The following UBE2D3 variants were observed in gnomAD, a reference collection of about 807,000 sequenced individuals.
UBE2D3 encodes the protein ubiquitin-conjugating enzyme E2 D3.
In UBE2D3, 2 loss-of-function variants were observed where a neutral mutation model predicts 22.8. The ratio of observed to expected loss-of-function variants is 0.09; its 90% CI spans 0.04 to 0.28. The LOEUF is 0.28. Ranked by LOEUF, UBE2D3 falls within the 10% of genes least tolerant of loss-of-function variation. The probability of loss-of-function intolerance (pLI) is 1.00; values close to 1 mark genes in which losing one functional copy is unlikely to be tolerated. For synonymous variants in UBE2D3, 56 were observed against 60.4 expected (o/e 0.93, Z 0.34); for missense variants, 27 against 182.5 (o/e 0.15, Z 4.91).
chr4:102,819,512 G>T, intron 2 of UBE2D3: 1 of 963,652 alleles, frequency 1.0e-6, no homozygotes, highest in Non-Finnish European at 1.2e-6. Flanking sequence ...GCCAGTATCT[G>T]TTCATCAGAT....
At chr4:102,849,778 C>T (rs529588648) in intron 1 of UBE2D3, among the ~76,000 whole-genome samples, 9 of 152,262 alleles carry the variant, frequency 5.9e-5, no homozygotes, top group Admixed American at 4.6e-4. Context: ...GACAATACCA[C>T]GTGTTGACCA....
At chr4:102,807,202 G>A (rs1727201042) in intron 4 of UBE2D3, among the ~76,000 whole-genome samples, 1 of 152,188 alleles carries the variant, frequency 6.6e-6, no homozygotes. Flanking sequence ...TTTATGGGTT[G>A]CTTTAGGTCA....
intron 6 of UBE2D3, among the ~76,000 whole-genome samples, chr4:102,801,024 G>A (rs1726076717): frequency 6.6e-6 from 1 of 151,916 alleles, no homozygotes; most frequent in Non-Finnish European, 1.5e-5. Context: ...CTGAAGATTT[G>A]TCTAAAAATT....
chr4:102,813,870 G>A (rs965259328), intron 2 of UBE2D3, among the ~76,000 whole-genome samples: 3 of 152,136 alleles, frequency 2.0e-5, no homozygotes, highest in African/African-American at 4.8e-5. Context: ...CCAGTTGTTC[G>A]GGAATGGTCA....
chr4:102,821,550 A>G (rs898071419), intron 2 of UBE2D3, among the ~76,000 whole-genome samples: 2 of 152,138 alleles, frequency 1.3e-5, no homozygotes, highest in Non-Finnish European at 2.9e-5. Flanking sequence ...AAAATTTTCA[A>G]AATTATGTGT....
chr4:102,826,780 C>T, intron 1 of UBE2D3, 144 bp from the exon 2 acceptor site: 1 of 1,275,692 alleles, frequency 7.8e-7, no homozygotes, highest in Non-Finnish European at 9.9e-7. Flanking sequence ...TGCTTTCGGC[C>T]CGAAGTGGGG....
intron 2 of UBE2D3, among the ~76,000 whole-genome samples, chr4:102,821,839 CAT>C (rs1353822338): frequency 1.3e-5 from 2 of 152,116 alleles, no homozygotes; most frequent in Non-Finnish European, 2.9e-5. Flanking sequence ...AAATGTAATT[CAT>C]GTCACACCCA....
intron 1 of UBE2D3, among the ~76,000 whole-genome samples, chr4:102,851,888 C>G (rs1046091715): frequency 6.6e-5 from 10 of 151,788 alleles, no homozygotes; most frequent in African/African-American, 2.4e-4. Context: ...AGGCTGGTCT[C>G]GAACTCCTGA....
chr4:102,847,720 G>A (rs183012916), intron 1 of UBE2D3, among the ~76,000 whole-genome samples: 55 of 151,746 alleles, frequency 3.6e-4, no homozygotes, highest in African/African-American at 1.2e-3. Context: ...CATAGCTTAC[G>A]GCAGCCTCAA....
At chr4:102,814,479 T>C (rs2060797) in intron 2 of UBE2D3, among the ~76,000 whole-genome samples, 1 of 92,992 alleles carries the variant, frequency 1.1e-5, no homozygotes, top group East Asian at 2.8e-4. Context: ...TTTTTTTTTG[T>C]AGTTTTACTA....
chr4:102,862,631 T>C (rs1360963632), intron 1 of UBE2D3, among the ~76,000 whole-genome samples: 1 of 152,230 alleles, frequency 6.6e-6, no homozygotes, highest in Admixed American at 6.5e-5. Flanking sequence ...TTAAACCTTT[T>C]AGGTTTGAAA....
In UBE2D3 at chr4:102,796,822, T is replaced by C. The variant is rs1725311751; in HGVS notation, c.*593A>G. On this transcript the variant is annotated 3_prime_UTR_variant, in exon 8 of 8. Transcript: ENST00000453744. ...TGTTTGACTTCCAATTTCCATTCTC[T>C]GTAGAACAAGAACAGGTCATTCCTT... is the stretch of plus-strand genomic sequence containing the variant. 1 of 152,482 alleles carries C rather than the reference T, an allele frequency of 6.6e-6. No individual in the cohort carries two copies. Among genetic ancestry groups the C allele is most frequent in the Admixed American group, 6.6e-5 (1 of 15,238 alleles). The allele number at this position is 152,482 out of a possible 1,614,324, so 9.4% of individuals were successfully genotyped here. A position where few individuals can be genotyped will look rare whatever the true frequency, so the allele number is the denominator to read the frequency against.
At chr4:102,823,092 C>A (rs185509772) in intron 2 of UBE2D3, among the ~76,000 whole-genome samples, 133 of 152,318 alleles carry the variant, frequency 8.7e-4, no homozygotes, top group African/African-American at 3.1e-3. Flanking sequence ...ATCTATCCCA[C>A]ATGGTTGTCT....
intron 1 of UBE2D3, among the ~76,000 whole-genome samples, chr4:102,839,430 C>G (rs1002230816): frequency 6.6e-6 from 1 of 152,084 alleles, no homozygotes; most frequent in East Asian, 1.9e-4. Context: ...TGCCGCCACA[C>G]CCAGCTAATT....
intron 1 of UBE2D3, among the ~76,000 whole-genome samples, chr4:102,842,180 A>G (rs1228753202): frequency 6.6e-6 from 1 of 151,942 alleles, no homozygotes; most frequent in African/African-American, 2.4e-5. Flanking sequence ...AGCATTATCT[A>G]TAGACTACAT....
At chr4:102,857,831 T>G (rs554054476) in intron 1 of UBE2D3, among the ~76,000 whole-genome samples, 1 of 151,232 alleles carries the variant, frequency 6.6e-6, no homozygotes, top group South Asian at 2.1e-4. Flanking sequence ...GTAGCTAGGA[T>G]TACAGGCATG....
chr4:102,819,004 A>G (rs1040241719), intron 2 of UBE2D3, among the ~76,000 whole-genome samples: 1 of 152,194 alleles, frequency 6.6e-6, no homozygotes, highest in Non-Finnish European at 1.5e-5. Flanking sequence ...AAAACATTAA[A>G]GACCTGAAAG....
chr4:102,828,254 G>A (rs1167169488), upstream of UBE2D3: 1 of 985,444 alleles, frequency 1.0e-6, no homozygotes, highest in Non-Finnish European at 1.2e-6. Flanking sequence ...GAGGTGCCAA[G>A]GATTAATTAC....
intron 6 of UBE2D3, among the ~76,000 whole-genome samples, chr4:102,800,706 T>A (rs1726022068): frequency 6.6e-6 from 1 of 152,112 alleles, no homozygotes; most frequent in Non-Finnish European, 1.5e-5. Flanking sequence ...ATGCTACTGC[T>A]ACAGTCTCTC....
Sources: gnomAD v4.1 joint callset for allele counts (sites outside exome capture counted in the v4.1 genomes callset) on GRCh38, gnomAD v4.1.1 for gene constraint, MANE v1.5 for transcripts, NCBI Gene and HGNC (gene_info 2026-07-23, HGNC 2026-07-21) for gene names.